Variants in KAZN observed in about 807,000 individuals in gnomAD.
The protein encoded by KAZN is kazrin, periplakin interacting protein.
In KAZN, 40 loss-of-function variants were observed where a neutral mutation model predicts 87.4. The observed-to-expected ratio is 0.46, with a 90% CI of 0.36 to 0.60. The LOEUF (loss-of-function observed/expected upper bound fraction) is 0.60. KAZN is among the 20% of genes least tolerant of loss of function. The pLI is 0.00. For synonymous variants in KAZN, 466 were observed against 458.3 expected (o/e 1.02, Z -0.22); for missense variants, 898 against 1,073.9 (o/e 0.84, Z 2.29).
chr1:14,612,139 A>G (rs934869487), intron 1 of KAZN, among the ~76,000 whole-genome samples: 1 of 152,246 alleles, frequency 6.6e-6, no homozygotes. Context: ...AGTGAATTAA[A>G]CATGAGCAAT....
chr1:14,210,718 C>A (rs931088673), intron 2 of KAZN, among the ~76,000 whole-genome samples: 3 of 151,908 alleles, frequency 2.0e-5, no homozygotes, highest in African/African-American at 7.3e-5. Flanking sequence ...TATTTTAAAA[C>A]AATAATAATA....
chr1:15,083,704 C>G (rs1640116885), intron 8 of KAZN, among the ~76,000 whole-genome samples: 1 of 152,168 alleles, frequency 6.6e-6, no homozygotes, highest in Non-Finnish European at 1.5e-5. Context: ...CTGTGTCTGT[C>G]TCTCACTCTG....
chr1:14,616,467 AT>A (rs1557839226), intron 1 of KAZN, among the ~76,000 whole-genome samples: 4 of 151,300 alleles, frequency 2.6e-5, no homozygotes, highest in Non-Finnish European at 4.4e-5. Context: ...GAAGAGGGTG[AT>A]TTAGAAAAAA....
intron 2 of KAZN, among the ~76,000 whole-genome samples, chr1:14,252,760 CAAAT>C (rs889811464): frequency 6.6e-6 from 1 of 152,146 alleles, no homozygotes; most frequent in Non-Finnish European, 1.5e-5. Flanking sequence ...GTTTCATCAA[CAAAT>C]AAATCCCCAC....
intron 2 of KAZN, among the ~76,000 whole-genome samples, chr1:14,344,091 A>G (rs1340964916): frequency 6.6e-6 from 1 of 151,960 alleles, no homozygotes; most frequent in African/African-American, 2.4e-5. Flanking sequence ...CCATGCTCCA[A>G]GATCTTGTCC....
chr1:14,797,234 T>C (rs1402600088), intron 1 of KAZN, among the ~76,000 whole-genome samples: 3 of 152,108 alleles, frequency 2.0e-5, no homozygotes, highest in Non-Finnish European at 4.4e-5. Flanking sequence ...CTAATTTTTG[T>C]ATTTTTAGTA....
chr1:15,056,302 C>A lies in KAZN; in HGVS notation c.916+22C>A. The A allele has an allele frequency of 6.3e-7, 1 of 1,581,080 alleles. No homozygotes were observed. Among genetic ancestry groups the A allele is most frequent in the Non-Finnish European group, 8.6e-7 (1 of 1,156,308 alleles). On this transcript the variant is annotated intron_variant, in intron 5 of 14. Transcript: ENST00000376030. The surrounding 1 kb of genome is among the most constrained non-coding windows in gnomAD (Gnocchi z 5.4). ...CAAGGTGAGTCCTGCCCTGGCCTGG[C>A]TCCACCACGGCTTCGAGGGGCTTCA...
intron 1 of KAZN, among the ~76,000 whole-genome samples, chr1:14,052,527 G>T (rs4662096): frequency 0.54 from 81,185 of 150,288 alleles, 21,958 homozygotes; most frequent in East Asian, 0.7. Flanking sequence ...GAAGGACAGG[G>T]TGTGGGGTGG....
At chr1:14,372,048 C>T (rs1660530164) in intron 2 of KAZN, among the ~76,000 whole-genome samples, 1 of 152,176 alleles carries the variant, frequency 6.6e-6, no homozygotes, top group South Asian at 2.1e-4. Context: ...ATCTTATTAG[C>T]TTCAATTTTT....
chr1:14,412,120 A>G (rs1021653187), intron 2 of KAZN, among the ~76,000 whole-genome samples: 2 of 152,176 alleles, frequency 1.3e-5, no homozygotes, highest in African/African-American at 4.8e-5. Context: ...AAAGAGGAGG[A>G]AAGTGTACAA....
chr1:14,742,238 G>A (rs904614310), intron 1 of KAZN, among the ~76,000 whole-genome samples: 6 of 152,164 alleles, frequency 3.9e-5, no homozygotes, highest in Non-Finnish European at 7.3e-5. Flanking sequence ...CTAGAAGAGG[G>A]CCTGGCTCAT....
chr1:14,054,974 G>A (rs1031036594), intron 1 of KAZN, among the ~76,000 whole-genome samples: 1 of 152,146 alleles, frequency 6.6e-6, no homozygotes, highest in Non-Finnish European at 1.5e-5. Context: ...TCTTTGCTGT[G>A]GGGTCTGTTC....
intron 1 of KAZN, among the ~76,000 whole-genome samples, chr1:13,909,728 T>C (rs1639580384): frequency 6.6e-6 from 1 of 152,230 alleles, no homozygotes; most frequent in Admixed American, 6.5e-5. Flanking sequence ...CAAGACGAAT[T>C]AAGCATTTAT....
chr1:14,753,721 C>T (rs1644476213), intron 1 of KAZN, among the ~76,000 whole-genome samples: 1 of 152,162 alleles, frequency 6.6e-6, no homozygotes, highest in African/African-American at 2.4e-5. Context: ...GACTGCAGGC[C>T]CCTAGCCCTC....
intron 2 of KAZN, among the ~76,000 whole-genome samples, chr1:14,321,047 A>T (rs1007919105): frequency 6.6e-6 from 1 of 152,160 alleles, no homozygotes; most frequent in East Asian, 1.9e-4. Context: ...ATTCTCTGGA[A>T]TTAACAGTAA....
At chr1:15,005,897 T>G (rs1320394710) in intron 2 of KAZN, among the ~76,000 whole-genome samples, 1 of 152,176 alleles carries the variant, frequency 6.6e-6, no homozygotes, top group Non-Finnish European at 1.5e-5. Context: ...GACAGACATC[T>G]CAGCGGGCCG....
chr1:14,096,552 A>C (rs141322027), intron 1 of KAZN, among the ~76,000 whole-genome samples: 182 of 152,358 alleles, frequency 1.2e-3, no homozygotes, highest in African/African-American at 3.9e-3. Context: ...ATGAAGGAGA[A>C]TGGTGACAAT....
At chr1:13,900,242 C>T (rs1010191461) in intron 1 of KAZN, among the ~76,000 whole-genome samples, 1 of 152,130 alleles carries the variant, frequency 6.6e-6, no homozygotes, top group Non-Finnish European at 1.5e-5. Flanking sequence ...GTACTCTGAA[C>T]TCCAGGCCTT....
rs554216697 is a variant in KAZN at position 14,485,076 on chromosome 1, CTCAA to C, written c.250-113904_250-113901del. 5.9e-5 allele frequency among the ~76,000 whole-genome samples: 9 copies of C among 152,218 alleles called. No individual in the cohort carries two copies. In the East Asian group the frequency reaches 1.7e-3, roughly 29 times the overall value. On this transcript the variant is annotated intron_variant, in intron 2 of 16. Transcript: ENST00000636203. ...AATGAAGAATTGAGGCCATATGTCA[CTCAA>C]TCTATCACGTATCCAAAAGAACTTG...
Sources: allele counts gnomAD v4.1 joint callset (sites outside exome capture counted in the v4.1 genomes callset), GRCh38; gene constraint gnomAD v4.1.1; non-coding constraint Gnocchi (gnomAD v3.1); transcripts MANE v1.5; gene names NCBI Gene and HGNC (gene_info 2026-07-23, HGNC 2026-07-21).